The following PRDM15 variants were observed in gnomAD, a reference collection of about 807,000 sequenced individuals.
PRDM15 encodes PR domain zinc finger protein 15.
Under a neutral mutation model 128.6 loss-of-function variants are expected in PRDM15, and 64 were observed. The observed-to-expected ratio is 0.50, with a 90% CI of 0.41 to 0.61. PRDM15 has a LOEUF of 0.61. Among genes scored for constraint, PRDM15 ranks in the 20% least tolerant of loss-of-function variants. The pLI is 0.00. For synonymous variants in PRDM15, 615 were observed against 621.8 expected, an observed-to-expected ratio of 0.99 and a Z score of 0.16; for missense variants, 1,242 against 1,569.1, an observed-to-expected ratio of 0.79 and a Z score of 3.52.
chr21:41,808,910 G>A (rs936911564), intron 21 of PRDM15, among the ~76,000 whole-genome samples: 2 of 152,216 alleles, frequency 1.3e-5, no homozygotes, highest in African/African-American at 4.8e-5. Context: ...GAGAAATGCT[G>A]TGATGCTGCC....
chr21:41,846,457 A>G lies in PRDM15; in HGVS notation c.640+633T>C, dbSNP rs747571740. Among the ~76,000 whole-genome samples the G allele has an allele frequency of 2.0e-5, 3 of 152,358 alleles. 1 individual carries two copies. The highest frequency in any genetic ancestry group is 4.4e-5 in the Non-Finnish European group (3 of 68,030). ...GGTGGCTCACGCCTGTAAACCCAGT[A>G]CTTTGGGAGGCCGAGGCAGACGGAC... On this transcript the variant is annotated intron_variant, in intron 6 of 23. Transcript: ENST00000398548.
chr21:41,878,046 CG>C (rs1247141744), intron 1 of PRDM15, among the ~76,000 whole-genome samples: 3 of 152,182 alleles, frequency 2.0e-5, no homozygotes, highest in Non-Finnish European at 4.4e-5. Flanking sequence ...GTGTGTGCAC[CG>C]GGGTGGGATC....
chr21:41,859,644 C>T lies in PRDM15; in HGVS notation c.79G>A (p.Glu27Lys), dbSNP rs2063749185. ...CSQYHDSECPELGPVVMVKDS... is the reference protein window; with the variant it reads ...CSQYHDSECPKLGPVVMVKDS... ...TTGACCATGACCACTGGGCCCAGCT[C>T]GGGACATTCGGAGTCGTGGTACTGG... The change falls in exon 3 of 24, where the codon GAG becomes AAG. Residue 27 changes from glutamate to lysine, a missense_variant. This residue lies in a region of PRDM15 where 612 missense variants were observed against 717.0 expected (regional missense o/e 0.85). Coordinates refer to ENST00000398548, the MANE Select transcript of PRDM15 (RefSeq NM_001040424.3). This position sits in a 1 kb window ranked among gnomAD's most constrained non-coding sequence, Gnocchi z 5.3. The T allele has an allele frequency of 3.1e-6, 5 of 1,613,808 alleles. No individual in the cohort carries two copies. The highest frequency in any genetic ancestry group is 1.3e-5 in the African/African-American group (1 of 74,830).
Position 41,811,086 on chromosome 21 carries a change from AC to A in PRDM15, c.2393-251del, listed in dbSNP as rs1435467453. ...GATGTGGGAAAGGCTGTCTGAAAAC[AC>A]AGACAGAAAGTGGAACCCACATGTG... On this transcript the variant is annotated intron_variant, in intron 19 of 23. Coordinates refer to ENST00000398548, the MANE Select transcript of PRDM15 (RefSeq NM_001040424.3). This position sits in a 1 kb window ranked among gnomAD's most constrained non-coding sequence, Gnocchi z 4.1. 2 of 484,004 alleles carry A rather than the reference AC, an allele frequency of 4.1e-6. No homozygotes were observed. The highest frequency in any genetic ancestry group is 3.9e-5 in the African/African-American group (2 of 51,842). 30.0% of individuals were successfully genotyped at this position (484,004 alleles called of 1,614,324 possible). A position where few individuals can be genotyped will look rare whatever the true frequency, so the allele number is the denominator to read the frequency against.
chr21:41,861,738 C>T, intron 1 of PRDM15: 1 of 1,614,070 alleles, frequency 6.2e-7, no homozygotes, highest in East Asian at 2.2e-5. Context: ...CTCACAGTCA[C>T]TGAACTTGTG....
Position 41,828,418 on chromosome 21 carries a change from A to G in PRDM15, c.1367-85T>C, listed in dbSNP as rs2062548295. ...ACGCACGTGTGGCCTGAACGTCAAT[A>G]AAGCGCGGGTGACGGGCATGAGAGT... On this transcript the variant is annotated intron_variant, in intron 11 of 23. Coordinates refer to ENST00000398548, the MANE Select transcript of PRDM15 (RefSeq NM_001040424.3). This position sits in a 1 kb window ranked among gnomAD's most constrained non-coding sequence, Gnocchi z 5.7. 6.3e-6 allele frequency: 9 copies of G among 1,427,614 alleles called. No homozygotes were observed. The South Asian group carries it at 1.1e-4, about 17-fold the overall frequency. The allele number at this position is 1,427,614 out of a possible 1,614,324, so 88.4% of individuals were successfully genotyped here.
chr21:41,878,891 G>A (rs1198102448), intron 1 of PRDM15: 1 of 956,926 alleles, frequency 1.0e-6, no homozygotes. Context: ...AGCGCGGCCC[G>A]GCAGCCCCGC....
At position 41,876,220 on chromosome 21, in the gene PRDM15, AATC is replaced by A. The variant is rs72410721; in HGVS notation, c.-10+3047_-10+3049del. Among the ~76,000 whole-genome samples the A allele has an allele frequency of 8.1e-3, 1,229 of 152,344 alleles. 10 individuals carry two copies. Among genetic ancestry groups the A allele is most frequent in the Non-Finnish European group, 0.012 (837 of 68,030 alleles). On this transcript the variant is annotated intron_variant, in intron 1 of 23. Coordinates refer to ENST00000398548, the MANE Select transcript of PRDM15 (RefSeq NM_001040424.3). ...AACAGAAATAGTCTCCACTTCGATA[AATC>A]ATCATCTGATATAAAAGCTGTGTTT...
intron 21 of PRDM15, among the ~76,000 whole-genome samples, chr21:41,804,903 C>A (rs781218417): frequency 6.6e-5 from 10 of 152,288 alleles, no homozygotes; most frequent in Non-Finnish European, 1.2e-4. Context: ...TTTGGCCCCC[C>A]ACCAAAGGGG....
chr21:41,851,335 G>A (rs2063422327), intron 5 of PRDM15, among the ~76,000 whole-genome samples: 1 of 152,222 alleles, frequency 6.6e-6, no homozygotes, highest in African/African-American at 2.4e-5. Flanking sequence ...GTTATCTATC[G>A]AGATACTCAT....
At chr21:41,855,601 T>C (rs970505417) in intron 4 of PRDM15, among the ~76,000 whole-genome samples, 3 of 152,102 alleles carry the variant, frequency 2.0e-5, no homozygotes, top group South Asian at 2.1e-4. Context: ...GAAGGTGTGC[T>C]CCCAGCTGGC....
Position 41,879,206 on chromosome 21 carries a change from T to G in PRDM15, c.-10+64A>C, listed in dbSNP as rs1250155561. The G allele has an allele frequency of 4.4e-5, 32 of 720,768 alleles. No individual in the cohort carries two copies. The highest frequency in any genetic ancestry group is 8.1e-5 in the Admixed American group (1 of 12,314). The allele number at this position is 720,768 out of a possible 1,614,324, so 44.6% of individuals were successfully genotyped here. The stretch of plus-strand genomic sequence containing the variant: ...CGCCGGGGCTCGCGGGGGCAGCGGG[T>G]GCGGCCCGGGGCCGGCGGGGCGCAC... On this transcript the variant is annotated intron_variant, in intron 1 of 23. Transcript: ENST00000398548. This position sits in a 1 kb window ranked among gnomAD's most constrained non-coding sequence, Gnocchi z 5.1.
chr21:41,869,320 G>T (rs1476017617), intron 1 of PRDM15, among the ~76,000 whole-genome samples: 1 of 151,916 alleles, frequency 6.6e-6, no homozygotes, highest in Non-Finnish European at 1.5e-5. Flanking sequence ...TCACTCTGTC[G>T]CCCAGGCTAG....
chr21:41,861,580 AACCTGCTTCTCTG>A (rs2063814139), intron 1 of PRDM15: 1 of 1,603,330 alleles, frequency 6.2e-7, no homozygotes, highest in African/African-American at 1.3e-5. Context: ...TCCTTCCTGC[AACCTGCTTCTCTG>A]ATGCCCGTTG....
At chr21:41,857,021 C>A (rs1210905261) in intron 4 of PRDM15, among the ~76,000 whole-genome samples, 155 bp downstream of exon 4, 1 of 152,188 alleles carries the variant, frequency 6.6e-6, no homozygotes, top group Admixed American at 6.5e-5. Context: ...TAAAAAGAAA[C>A]ATTTTCTTGG....
chr21:41,827,960 G>T (rs2062527203), intron 12 of PRDM15, among the ~76,000 whole-genome samples: 1 of 152,148 alleles, frequency 6.6e-6, no homozygotes, highest in Non-Finnish European at 1.5e-5. Context: ...CGCACAGCAG[G>T]TCTGACACCT....
chr21:41,831,756 G>A (rs1430531622), intron 11 of PRDM15, among the ~76,000 whole-genome samples: 2 of 152,180 alleles, frequency 1.3e-5, no homozygotes, highest in Non-Finnish European at 2.9e-5. Flanking sequence ...CTCCAACCAC[G>A]GCAGGACAGT....
rs1283386427 is a variant in PRDM15 at position 41,806,830 on chromosome 21, TCAC to T, written c.2653-2219_2653-2217del. On this transcript the variant is annotated intron_variant, in intron 21 of 23. Coordinates refer to ENST00000398548, the MANE Select transcript of PRDM15 (RefSeq NM_001040424.3). ...TCCTCCATCACTATCATTACCATCA[TCAC>T]CACCACGACTGTCACCACCATCACC... Among the ~76,000 whole-genome samples the T allele has an allele frequency of 8.2e-5, 12 of 145,928 alleles. No homozygotes were observed. The East Asian group carries it at 1.0e-3, about 13-fold the overall frequency.
At chr21:41,869,995 T>A (rs1472751232) in intron 1 of PRDM15, among the ~76,000 whole-genome samples, 1 of 152,234 alleles carries the variant, frequency 6.6e-6, no homozygotes, top group Non-Finnish European at 1.5e-5. Flanking sequence ...GCCCAGTCAA[T>A]GCAGTCTTGA....
Sources: allele counts gnomAD v4.1 joint callset (sites outside exome capture counted in the v4.1 genomes callset), GRCh38; gene constraint gnomAD v4.1.1; regional missense constraint gnomAD v4.1.1; non-coding constraint Gnocchi (gnomAD v3.1); transcripts MANE v1.5; gene names NCBI Gene and HGNC (gene_info 2026-07-23, HGNC 2026-07-21).